Variants in DOCK3 observed in about 807,000 individuals in gnomAD.
The protein encoded by DOCK3 is dedicator of cytokinesis protein 3.
In DOCK3, 60 loss-of-function variants were observed where a neutral mutation model predicts 265.6. That is an observed-to-expected ratio of 0.23 (90% confidence interval 0.18 to 0.28). The LOEUF is 0.28. Ranked by LOEUF, DOCK3 falls within the 10% of genes least tolerant of loss-of-function variation. DOCK3 has a pLI of 1.00. For synonymous variants in DOCK3, 881 were observed against 938.0 expected (o/e 0.94, Z 1.11); for missense variants, 1,981 against 2,594.3 (o/e 0.76, Z 5.14).
At chr3:51,165,471 A>G (rs1471782433) in intron 12 of DOCK3, among the ~76,000 whole-genome samples, 1 of 152,198 alleles carries the variant, frequency 6.6e-6, no homozygotes, top group Non-Finnish European at 1.5e-5. Flanking sequence ...AATGTTTACC[A>G]TTTTAGCAAA....
At chr3:51,301,419 T>C (rs760659772) in intron 27 of DOCK3, among the ~76,000 whole-genome samples, 2 of 152,082 alleles carry the variant, frequency 1.3e-5, no homozygotes, top group Non-Finnish European at 2.9e-5. Flanking sequence ...AGTTCTGCTC[T>C]CATCTTGGAT....
chr3:50,953,304 C>T (rs2108328394), intron 5 of DOCK3, among the ~76,000 whole-genome samples: 1 of 152,210 alleles, frequency 6.6e-6, no homozygotes, highest in East Asian at 1.9e-4. Context: ...GCTTGATCTA[C>T]TACATTTCCC....
intron 5 of DOCK3, among the ~76,000 whole-genome samples, chr3:50,999,778 A>G (rs889394294): frequency 2.6e-5 from 4 of 152,182 alleles, no homozygotes; most frequent in Non-Finnish European, 4.4e-5. Context: ...CAAAATGATT[A>G]AGGTCTCTTC....
chr3:50,961,814 T>A (rs1019978096), intron 5 of DOCK3, among the ~76,000 whole-genome samples: 2 of 152,190 alleles, frequency 1.3e-5, no homozygotes, highest in Non-Finnish European at 2.9e-5. Flanking sequence ...CTCCTTGGTC[T>A]TACTAAATCT....
chr3:50,990,607 A>C (rs1438305661), intron 5 of DOCK3, among the ~76,000 whole-genome samples: 1 of 152,232 alleles, frequency 6.6e-6, no homozygotes, highest in African/African-American at 2.4e-5. Flanking sequence ...TATGTATAAA[A>C]GGGAGTTTAT....
intron 24 of DOCK3, among the ~76,000 whole-genome samples, chr3:51,273,304 T>C (rs1392858253): frequency 6.6e-6 from 1 of 152,202 alleles, no homozygotes; most frequent in Non-Finnish European, 1.5e-5. Flanking sequence ...ATTTTCTTAA[T>C]ATTTATGTGG....
chr3:51,016,736 A>ATGT lies in DOCK3; in HGVS notation c.316-47711_316-47710insGTT, dbSNP rs2079310495. ...TATCAATATAATATATATGATACAT[A>ATGT]TTATATATATCAATATAATATATAT... On this transcript the variant is annotated intron_variant, in intron 5 of 52. Transcript: ENST00000266037. 4.6e-5 allele frequency among the ~76,000 whole-genome samples: 2 copies of ATGT among 43,956 alleles called. 1 individual carries two copies. Among genetic ancestry groups the ATGT allele is most frequent in the East Asian group, 1.4e-3 (2 of 1,464 alleles). 28.8% of individuals were successfully genotyped at this position (43,956 alleles called of 152,430 possible).
chr3:51,259,682 G>A (rs1269141361), intron 22 of DOCK3, among the ~76,000 whole-genome samples: 2 of 152,152 alleles, frequency 1.3e-5, no homozygotes, highest in East Asian at 3.8e-4. Context: ...AACTGTGTCA[G>A]GCCCCAGCTA....
Position 50,837,371 on chromosome 3 carries a change from C to T in DOCK3, c.122-4304C>T, listed in dbSNP as rs576825449. ...CAGTTCTGCATGACTGGGGAGGCCT[C>T]AGGAAACTTACAGTCATGGTGGAAG... On this transcript the variant is annotated intron_variant, in intron 2 of 52. Coordinates refer to ENST00000266037, the MANE Select transcript of DOCK3 (RefSeq NM_004947.5). 2.0e-5 allele frequency among the ~76,000 whole-genome samples: 3 copies of T among 152,300 alleles called. No individual in the cohort carries two copies. In the South Asian group the frequency reaches 6.2e-4, roughly 32 times the overall value.
chr3:51,050,145 A>C (rs1375935363), intron 5 of DOCK3, among the ~76,000 whole-genome samples: 1 of 152,110 alleles, frequency 6.6e-6, no homozygotes, highest in East Asian at 1.9e-4. Context: ...GCTACTCAGG[A>C]GGCTGAGATG....
intron 27 of DOCK3, among the ~76,000 whole-genome samples, chr3:51,293,044 T>G (rs570482373): frequency 2.0e-5 from 3 of 152,296 alleles, no homozygotes; most frequent in African/African-American, 7.2e-5. Context: ...AAGATGTTTA[T>G]AATCCCTAAA....
intron 3 of DOCK3, among the ~76,000 whole-genome samples, chr3:50,873,013 C>G (rs1447170949): frequency 6.6e-6 from 1 of 152,192 alleles, no homozygotes; most frequent in East Asian, 1.9e-4. Flanking sequence ...CAAGAGCCTG[C>G]TTTGTTCTGT....
At chr3:51,366,690 CT>C (rs1403203608) in intron 49 of DOCK3, among the ~76,000 whole-genome samples, 1 of 152,166 alleles carries the variant, frequency 6.6e-6, no homozygotes, top group African/African-American at 2.4e-5. Context: ...TATGTTGTGT[CT>C]TTGTTCTCAT....
At chr3:51,161,446 A>C (rs186520226) in intron 12 of DOCK3, among the ~76,000 whole-genome samples, 183 of 151,896 alleles carry the variant, frequency 1.2e-3, no homozygotes, top group African/African-American at 3.4e-3. Context: ...TCCGTCTCAA[A>C]AAAAAAAAAG....
At chr3:50,891,182 C>T (rs936325449) in intron 4 of DOCK3, among the ~76,000 whole-genome samples, 1 of 152,038 alleles carries the variant, frequency 6.6e-6, no homozygotes, top group Non-Finnish European at 1.5e-5. Context: ...TTCTTTTCCC[C>T]AGTATCTTTC....
intron 5 of DOCK3, among the ~76,000 whole-genome samples, chr3:50,982,204 T>C (rs764615686): frequency 3.9e-5 from 6 of 152,196 alleles, no homozygotes; most frequent in Admixed American, 3.3e-4. Flanking sequence ...AGCTGTGTCA[T>C]ATTTTTAAAA....
At chr3:51,162,211 G>C (rs981493157) in intron 12 of DOCK3, among the ~76,000 whole-genome samples, 9 of 151,986 alleles carry the variant, frequency 5.9e-5, no homozygotes, top group African/African-American at 2.2e-4. Context: ...CCATAATATC[G>C]TATAGATATT....
At chr3:51,220,004 G>A (rs757202271) in intron 14 of DOCK3, among the ~76,000 whole-genome samples, 6 of 152,190 alleles carry the variant, frequency 3.9e-5, no homozygotes, top group Non-Finnish European at 7.3e-5. Context: ...GAAACCAGAA[G>A]TGTGACACCA....
intron 2 of DOCK3, among the ~76,000 whole-genome samples, chr3:50,834,114 C>T (rs1393804286): frequency 3.3e-5 from 5 of 151,790 alleles, no homozygotes; most frequent in African/African-American, 9.7e-5. Context: ...TTCAGCTCTC[C>T]AGGAGAGTCC....
Sources: gnomAD v4.1 joint callset for allele counts (sites outside exome capture counted in the v4.1 genomes callset) on GRCh38, gnomAD v4.1.1 for gene constraint, MANE v1.5 for transcripts, NCBI Gene and HGNC (gene_info 2026-07-23, HGNC 2026-07-21) for gene names.